The following SV2C variants were observed in gnomAD, a reference collection of about 807,000 sequenced individuals.
SV2C encodes the protein solute carrier family 22 member B3.
Under a neutral mutation model 79.7 loss-of-function variants are expected in SV2C, and 49 were observed. That is an observed-to-expected ratio of 0.61 (90% confidence interval 0.49 to 0.78). SV2C has a LOEUF of 0.78. Among genes scored for constraint, SV2C ranks in the 30% least tolerant of loss-of-function variants. The probability of loss-of-function intolerance (pLI) is 0.00; values close to 1 mark genes in which losing one functional copy is unlikely to be tolerated. For synonymous variants in SV2C, 334 were observed against 333.2 expected, an observed-to-expected ratio of 1.00 and a Z score of -0.03; for missense variants, 833 against 912.9, an observed-to-expected ratio of 0.91 and a Z score of 1.13.
At chr5:76,289,811 A>G (rs1385030446) in intron 6 of SV2C, among the ~76,000 whole-genome samples, 1 of 152,186 alleles carries the variant, frequency 6.6e-6, no homozygotes, top group African/African-American at 2.4e-5. Context: ...CAGATAGCGT[A>G]TTTCTCTATA....
chr5:76,339,794 C>G lies in SV2C; in HGVS notation c.2001-13336C>G, dbSNP rs192150670. Among the ~76,000 whole-genome samples the G allele has an allele frequency of 6.8e-4, 104 of 152,214 alleles. 1 individual carries two copies. Among genetic ancestry groups the G allele is most frequent in the Non-Finnish European group, 9.1e-4 (62 of 67,996 alleles). ...CTCTCTGTGCTGAAGACACAGGCCA[C>G]ATTCAGTTTTGTAGTCCAGCGTCTG... On this transcript the variant is annotated intron_variant, in intron 12 of 12. Transcript: ENST00000322285.
the SV2C span, among the ~76,000 whole-genome samples, chr5:75,976,528 G>A: frequency 2.0e-5 from 3 of 152,068 alleles, no homozygotes; most frequent in Non-Finnish European, 2.9e-5. Context: ...ACAGAGTCCA[G>A]TCTCGGTGGT....
At chr5:75,920,533 C>A in the SV2C span, 1 of 455,688 alleles carries the variant, frequency 2.2e-6, no homozygotes. Context: ...CATGTCTGGT[C>A]ACACCATCTT....
the SV2C span, among the ~76,000 whole-genome samples, chr5:75,970,732 T>G: frequency 1.3e-5 from 2 of 152,248 alleles, no homozygotes; most frequent in South Asian, 2.1e-4. Context: ...CACAGCCGAA[T>G]TCTACCAGAG....
At chr5:76,158,828 G>A (rs1580315698) in intron 2 of SV2C, among the ~76,000 whole-genome samples, 1 of 151,866 alleles carries the variant, frequency 6.6e-6, no homozygotes, top group African/African-American at 2.4e-5. Context: ...ACCAAAAATG[G>A]ACAAAAACAT....
Position 76,285,362 on chromosome 5 carries a change from A to G in SV2C, c.1047+67A>G, listed in dbSNP as rs983019672. On this transcript the variant is annotated intron_variant, in intron 5 of 12. Transcript: ENST00000502798. ...TTGGAAAAAGTTCCTTGTTAATTCTAGGAAAGCACATTTGCCTATTTGAGA... is the reference window on the plus strand; with the variant it reads ...TTGGAAAAAGTTCCTTGTTAATTCTGGGAAAGCACATTTGCCTATTTGAGA... 7 of 1,588,134 alleles carry G rather than the reference A, an allele frequency of 4.4e-6. No individual in the cohort carries two copies. The Admixed American group carries it at 6.9e-5, about 16-fold the overall frequency.
At chr5:75,934,522 G>A in the SV2C span, among the ~76,000 whole-genome samples, 5 of 151,988 alleles carry the variant, frequency 3.3e-5, no homozygotes, top group South Asian at 4.2e-4. Context: ...TTCTGACCTC[G>A]TGATCCACCT....
At chr5:75,874,224 T>A in the SV2C span, among the ~76,000 whole-genome samples, 3 of 152,136 alleles carry the variant, frequency 2.0e-5, no homozygotes, top group Non-Finnish European at 2.9e-5. Flanking sequence ...GTAGGCTTCA[T>A]CCCTGGGATG....
chr5:76,352,667 TTC>T (rs1749663930), intron 12 of SV2C, among the ~76,000 whole-genome samples: 2 of 152,360 alleles, frequency 1.3e-5, no homozygotes, highest in South Asian at 4.1e-4. Context: ...GTCTGTGGTA[TTC>T]TGTTATAGCA....
the SV2C span, among the ~76,000 whole-genome samples, chr5:75,955,603 C>A: frequency 7.5e-3 from 1,105 of 146,390 alleles, 17 homozygotes; most frequent in Admixed American, 0.037. Context: ...TCAGAGTGAA[C>A]AGGCAACCTA....
At chr5:76,100,905 C>T (rs1207623655) in intron 1 of SV2C, among the ~76,000 whole-genome samples, 2 of 152,206 alleles carry the variant, frequency 1.3e-5, no homozygotes, top group African/African-American at 4.8e-5. Flanking sequence ...TAGCATTTTC[C>T]CCTGCATTGT....
At chr5:76,336,771 T>G (rs143906376), downstream of SV2C, among the ~76,000 whole-genome samples, 1 of 152,368 alleles carries the variant, frequency 6.6e-6, no homozygotes, top group Non-Finnish European at 1.5e-5. Context: ...ACATTTTCCT[T>G]TCTTTCCTGC....
rs56344225 is a variant in SV2C at position 76,331,758 on chromosome 5, G to A, written c.*6211G>A. Reference sequence around the variant, plus strand: ...GGCCAAGCTTTCCTGGGGCACTTGGGATGAAAGGCCCATCCATGCCTGTTG... The same window carrying A: ...GGCCAAGCTTTCCTGGGGCACTTGGAATGAAAGGCCCATCCATGCCTGTTG... On this transcript the variant is annotated 3_prime_UTR_variant, in exon 13 of 13. Transcript: ENST00000502798. The A allele has an allele frequency of 0.033, 5,087 of 152,452 alleles. 128 individuals carry two copies. The highest frequency in any genetic ancestry group is 0.05 in the Non-Finnish European group (3,392 of 68,178). 9.4% of individuals were successfully genotyped at this position (152,452 alleles called of 1,614,324 possible).
the SV2C span, among the ~76,000 whole-genome samples, chr5:76,001,590 G>A: frequency 6.7e-6 from 1 of 149,312 alleles, no homozygotes; most frequent in Non-Finnish European, 1.5e-5. Flanking sequence ...CTCCATCTCA[G>A]AAAAAAAAAA....
chr5:76,145,064 T>G (rs1749376559), intron 2 of SV2C, among the ~76,000 whole-genome samples: 1 of 152,154 alleles, frequency 6.6e-6, no homozygotes. Context: ...GAAGATTACC[T>G]CCATACTGGG....
At chr5:76,040,637 G>T in the SV2C span, among the ~76,000 whole-genome samples, 3 of 152,178 alleles carry the variant, frequency 2.0e-5, no homozygotes, top group Non-Finnish European at 4.4e-5. Flanking sequence ...TAATATTTTA[G>T]ACCCCAGTTG....
intron 2 of SV2C, among the ~76,000 whole-genome samples, chr5:76,134,237 C>G (rs1748994040): frequency 6.6e-6 from 1 of 152,136 alleles, no homozygotes; most frequent in Non-Finnish European, 1.5e-5. Context: ...AATATGTCCC[C>G]AGGAGTGTAT....
At chr5:76,113,549 A>G (rs1561220825) in intron 1 of SV2C, among the ~76,000 whole-genome samples, 12 of 152,138 alleles carry the variant, frequency 7.9e-5, no homozygotes, top group Admixed American at 7.2e-4. Flanking sequence ...TTCCCTTGTG[A>G]CTGTTGCTTT....
At chr5:75,880,546 C>T in the SV2C span, among the ~76,000 whole-genome samples, 2 of 152,322 alleles carry the variant, frequency 1.3e-5, no homozygotes, top group Non-Finnish European at 1.5e-5. Context: ...TTTGCTATGG[C>T]ATAACAAGGA....
Sources: gnomAD v4.1 joint callset for allele counts (sites outside exome capture counted in the v4.1 genomes callset) on GRCh38, gnomAD v4.1.1 for gene constraint, MANE v1.5 for transcripts, NCBI Gene and HGNC (gene_info 2026-07-23, HGNC 2026-07-21) for gene names.